Variants in CERS6 observed in about 807,000 individuals in gnomAD.
CERS6 encodes the protein ceramide synthase 6, also known as LAG1 homolog, ceramide synthase 6.
In CERS6, 26 loss-of-function variants were observed where a neutral mutation model predicts 56.8. The observed-to-expected ratio is 0.46, with a 90% CI of 0.34 to 0.63. The LOEUF (loss-of-function observed/expected upper bound fraction) is 0.63. Among genes scored for constraint, CERS6 ranks in the 30% least tolerant of loss-of-function variants. The pLI is 0.01. For missense variants in CERS6, 415 were observed against 467.5 expected, an observed-to-expected ratio of 0.89 and a Z score of 1.04; for synonymous variants, 164 against 173.3, an observed-to-expected ratio of 0.95 and a Z score of 0.42.
chr2:168,631,473 T>G (rs4668080), intron 4 of CERS6, among the ~76,000 whole-genome samples: 73,011 of 116,814 alleles, frequency 0.63, 24,556 homozygotes, highest in Non-Finnish European at 0.75. Flanking sequence ...ATATAATATA[T>G]AATATATAAT....
intron 4 of CERS6, among the ~76,000 whole-genome samples, chr2:168,648,836 C>T (rs192497188): frequency 6.6e-6 from 1 of 152,172 alleles, no homozygotes; most frequent in East Asian, 1.9e-4. Flanking sequence ...GTTTTTATTG[C>T]ACTGTGGTCC....
intron 1 of CERS6, among the ~76,000 whole-genome samples, chr2:168,518,495 AATCTCT>A (rs1694922108): frequency 6.6e-6 from 1 of 152,126 alleles, no homozygotes; most frequent in African/African-American, 2.4e-5. Context: ...CTTTGCTAGA[AATCTCT>A]ATGTATATGT....
At chr2:168,617,296 G>A (rs1340345945) in intron 3 of CERS6, among the ~76,000 whole-genome samples, 1 of 151,814 alleles carries the variant, frequency 6.6e-6, no homozygotes, top group African/African-American at 2.4e-5. Context: ...GAGCACACAC[G>A]GACATTCTGA....
At chr2:168,765,448 T>C (rs1390142281) in intron 8 of CERS6, 144 bp from the exon 9 acceptor site, 18 of 666,724 alleles carry the variant, frequency 2.7e-5, no homozygotes, top group Non-Finnish European at 4.0e-5. Context: ...CATTTCTAAG[T>C]ACCTGGCAAG....
chr2:168,547,617 C>T lies in CERS6; in HGVS notation c.192C>T (p.Ala64=). The change falls in exon 2 of 10, where the codon GCC becomes GCT. Residue 64 remains alanine (A), a synonymous_variant. Transcript: ENST00000305747. ...TTAGATTTGTAGCCAAACCGTGCGC[C>T]ATAGCCCTCAACATTCAGGCCAATG... The part of the protein sequence containing the change: ...IFERFVAKPC[A]IALNIQANGP... 1 of 1,613,724 alleles carries T rather than the reference C, an allele frequency of 6.2e-7. No homozygotes were observed. The highest frequency in any genetic ancestry group is 1.1e-5 in the South Asian group (1 of 91,064).
rs1039137634 is a variant in CERS6, at chr2:168,590,052, C to G, written c.407+28730C>G. Among the ~76,000 whole-genome samples the G allele has an allele frequency of 2.6e-5, 4 of 152,160 alleles. No homozygotes were observed. The East Asian group carries it at 7.7e-4, about 29-fold the overall frequency. On this transcript the variant is annotated intron_variant, in intron 3 of 9. Coordinates refer to ENST00000305747, the MANE Select transcript of CERS6 (RefSeq NM_203463.3). ...CAGTACAGTACCTGAGAGAAGACTC[C>G]AGAAGTGCTCAGTTGACTGATAAGA...
chr2:168,650,798 A>G (rs925163831), intron 4 of CERS6, among the ~76,000 whole-genome samples: 3 of 152,156 alleles, frequency 2.0e-5, no homozygotes, highest in Non-Finnish European at 2.9e-5. Flanking sequence ...GCAGTTTTGA[A>G]TATGCATTTT....
At chr2:168,653,306 A>G (rs1394873113) in intron 4 of CERS6, among the ~76,000 whole-genome samples, 1 of 152,150 alleles carries the variant, frequency 6.6e-6, no homozygotes, top group East Asian at 1.9e-4. Flanking sequence ...ACCATTTCCA[A>G]TGGCTGCTCC....
At chr2:168,578,333 A>G (rs1204529192) in intron 3 of CERS6, among the ~76,000 whole-genome samples, 2 of 152,130 alleles carry the variant, frequency 1.3e-5, no homozygotes, top group East Asian at 1.9e-4. Context: ...AAACGTTACC[A>G]TGTTCATAAA....
rs148949088 is a variant in CERS6, at chr2:168,706,744, A to G, written c.610-8257A>G. 4.0e-3 allele frequency among the ~76,000 whole-genome samples: 616 copies of G among 152,350 alleles called. 4 individuals are homozygous for G. The highest frequency in any genetic ancestry group is 0.034 in the Middle Eastern group (10 of 294). On this transcript the variant is annotated intron_variant, in intron 6 of 9. Coordinates refer to ENST00000305747, the MANE Select transcript of CERS6 (RefSeq NM_203463.3). ...TGACCCAAATGTGTTGAAGTTAGCC[A>G]CGAGCCTATGCCATTGCCACATCTT... is the stretch of plus-strand genomic sequence containing the variant.
intron 8 of CERS6, among the ~76,000 whole-genome samples, chr2:168,752,449 C>T (rs1684302007): frequency 6.6e-6 from 1 of 152,184 alleles, no homozygotes. Context: ...GCAAAATGTG[C>T]TGCTGATAGC....
chr2:168,628,796 A>AT (rs1219557115), intron 3 of CERS6, among the ~76,000 whole-genome samples: 1 of 152,144 alleles, frequency 6.6e-6, no homozygotes, highest in Non-Finnish European at 1.5e-5. Flanking sequence ...TGTTAATCAC[A>AT]TTTTTTACAT....
intron 1 of CERS6, among the ~76,000 whole-genome samples, chr2:168,534,533 C>T (rs1473616170): frequency 6.6e-6 from 1 of 151,688 alleles, no homozygotes; most frequent in African/African-American, 2.4e-5. Flanking sequence ...CCCTATTCAT[C>T]TGGCTCGCTC....
intron 8 of CERS6, among the ~76,000 whole-genome samples, chr2:168,730,207 AC>A (rs1683483624): frequency 6.6e-6 from 1 of 152,222 alleles, no homozygotes; most frequent in African/African-American, 2.4e-5. Flanking sequence ...TGGAAACAGT[AC>A]TGCCTTTAGT....
At chr2:168,651,633 G>A (rs940505633) in intron 4 of CERS6, among the ~76,000 whole-genome samples, 4 of 152,234 alleles carry the variant, frequency 2.6e-5, no homozygotes, top group Admixed American at 6.5e-5. Context: ...AGGGGGAACC[G>A]CCAGACCCTT....
At chr2:168,581,630 T>C (rs1013799260) in intron 3 of CERS6, among the ~76,000 whole-genome samples, 2 of 152,178 alleles carry the variant, frequency 1.3e-5, no homozygotes, top group Admixed American at 6.5e-5. Context: ...TTCTGTTTCA[T>C]CTTTTAAAAA....
chr2:168,644,632 T>C (rs1478782464), intron 4 of CERS6, among the ~76,000 whole-genome samples: 1 of 152,128 alleles, frequency 6.6e-6, no homozygotes, highest in East Asian at 1.9e-4. Context: ...GCTTCTTGTG[T>C]ATCACTTGGA....
intron 3 of CERS6, among the ~76,000 whole-genome samples, chr2:168,624,454 G>A (rs973493713): frequency 5.3e-5 from 8 of 152,058 alleles, no homozygotes; most frequent in Non-Finnish European, 1.0e-4. Flanking sequence ...CTTATAGTAC[G>A]ATGGGAATGA....
chr2:168,466,535 T>A (rs773225028), intron 1 of CERS6, among the ~76,000 whole-genome samples: 1 of 152,232 alleles, frequency 6.6e-6, no homozygotes. Context: ...TGCTGCATAT[T>A]ATAAAAACAA....
Sources: gnomAD v4.1 joint callset for allele counts (sites outside exome capture counted in the v4.1 genomes callset) on GRCh38, gnomAD v4.1.1 for gene constraint, MANE v1.5 for transcripts, NCBI Gene and HGNC (gene_info 2026-07-23, HGNC 2026-07-21) for gene names.